Variants in UIMC1 observed in about 807,000 individuals in gnomAD.
UIMC1 encodes ubiquitin interaction motif containing 1.
In UIMC1, 42 loss-of-function variants were observed where a neutral mutation model predicts 84.9. The observed-to-expected ratio is 0.49, with a 90% CI of 0.39 to 0.64. The LOEUF (loss-of-function observed/expected upper bound fraction) is 0.64. Among genes scored for constraint, UIMC1 ranks in the 30% least tolerant of loss-of-function variants. UIMC1 has a pLI of 0.00. For missense variants in UIMC1, 825 were observed against 847.6 expected, an observed-to-expected ratio of 0.97 and a Z score of 0.33; for synonymous variants, 281 against 293.0, an observed-to-expected ratio of 0.96 and a Z score of 0.42.
chr5:176,925,525 T>C (rs1177304612), intron 10 of UIMC1, among the ~76,000 whole-genome samples: 1 of 151,952 alleles, frequency 6.6e-6, no homozygotes, highest in Non-Finnish European at 1.5e-5. Context: ...TACAAGAATG[T>C]TCACAGCAGC....
At chr5:176,967,303 G>A (rs1253749579) in intron 6 of UIMC1, among the ~76,000 whole-genome samples, 4 of 150,156 alleles carry the variant, frequency 2.7e-5, no homozygotes, top group Admixed American at 6.6e-5. Flanking sequence ...AAAAAAAAAA[G>A]ATGAAGAAAT....
intron 10 of UIMC1, among the ~76,000 whole-genome samples, chr5:176,935,152 A>G (rs1447915727): frequency 6.6e-6 from 1 of 151,830 alleles, no homozygotes; most frequent in Non-Finnish European, 1.5e-5. Flanking sequence ...GTAGACCCAC[A>G]TAATTCATAC....
At position 176,911,404 on chromosome 5, in the gene UIMC1, AAT is replaced by A. The variant is rs536002466; in HGVS notation, c.1598-17_1598-16del. The A allele has an allele frequency of 3.4e-4, 513 of 1,515,002 alleles. No individual in the cohort carries two copies. The highest frequency in any genetic ancestry group is 6.8e-4 in the South Asian group (53 of 77,394). 93.8% of individuals were successfully genotyped at this position (1,515,002 alleles called of 1,614,324 possible). A position where few individuals can be genotyped will look rare whatever the true frequency, so the allele number is the denominator to read the frequency against. On this transcript the variant is annotated splice_polypyrimidine_tract_variant and intron_variant, in intron 10 of 14. Transcript: ENST00000511320. Reference sequence around the variant, plus strand: ...CCGAGTCAATACTTTTAATATAAAAAATATATATATATACACATAGTTAGCTG... The same window carrying A: ...CCGAGTCAATACTTTTAATATAAAAAATATATATATACACATAGTTAGCTG...
chr5:176,984,148 G>A (rs1162635962), intron 1 of UIMC1, among the ~76,000 whole-genome samples: 2 of 113,960 alleles, frequency 1.8e-5, no homozygotes, highest in African/African-American at 3.5e-5. Flanking sequence ...CTGCCCGGCC[G>A]CCCTGTCTGG....
At chr5:176,949,585 G>A (rs181837043) in intron 9 of UIMC1, among the ~76,000 whole-genome samples, 1 of 152,308 alleles carries the variant, frequency 6.6e-6, no homozygotes, top group East Asian at 1.9e-4. Context: ...CAGTCACTCT[G>A]CAGCAGGGAG....
intron 13 of UIMC1, 132 bp downstream of exon 13, chr5:176,906,982 G>A (rs1294633415): frequency 4.9e-6 from 4 of 818,180 alleles, no homozygotes; most frequent in Non-Finnish European, 7.8e-6. Context: ...CCTAGATTGA[G>A]TCTCAAAGGC....
At chr5:176,918,014 C>T (rs918207447) in intron 10 of UIMC1, among the ~76,000 whole-genome samples, 1 of 152,198 alleles carries the variant, frequency 6.6e-6, no homozygotes, top group African/African-American at 2.4e-5. Flanking sequence ...ATTTCAAATG[C>T]TCAATAGCCA....
chr5:176,930,672 A>G (rs772457646), intron 10 of UIMC1, among the ~76,000 whole-genome samples: 1 of 152,260 alleles, frequency 6.6e-6, no homozygotes, highest in Non-Finnish European at 1.5e-5. Flanking sequence ...CTTGTTATCA[A>G]GCATTTCCTT....
At chr5:176,994,693 C>T (rs1327061958) in intron 1 of UIMC1, among the ~76,000 whole-genome samples, 1 of 152,026 alleles carries the variant, frequency 6.6e-6, no homozygotes, top group Non-Finnish European at 1.5e-5. Flanking sequence ...TTTATACACA[C>T]TTCTGAAAGG....
At chr5:176,918,723 A>G (rs1428532258) in intron 10 of UIMC1, among the ~76,000 whole-genome samples, 2 of 152,168 alleles carry the variant, frequency 1.3e-5, no homozygotes, top group Non-Finnish European at 2.9e-5. Flanking sequence ...TTACCCTGTC[A>G]TATCTTCGCA....
At chr5:177,001,919 C>T (rs1362585153) in intron 1 of UIMC1, 2 of 140,520 alleles carry the variant, frequency 1.4e-5, no homozygotes, top group African/African-American at 5.4e-5. Context: ...CACTGCACTC[C>T]AGCCTGGGCG....
intron 3 of UIMC1, 115 bp from the exon 4 acceptor site, chr5:176,970,981 A>G: frequency 1.5e-6 from 2 of 1,333,616 alleles, no homozygotes; most frequent in Non-Finnish European, 2.0e-6. Flanking sequence ...ACCACTTAGT[A>G]CAATTTTATA....
At chr5:176,926,107 G>A (rs777844226) in intron 10 of UIMC1, among the ~76,000 whole-genome samples, 1 of 151,978 alleles carries the variant, frequency 6.6e-6, no homozygotes, top group Non-Finnish European at 1.5e-5. Flanking sequence ...TAAAATAACG[G>A]AGGGAAAAAG....
chr5:176,995,683 A>G (rs2149528873), intron 1 of UIMC1, among the ~76,000 whole-genome samples: 1 of 151,930 alleles, frequency 6.6e-6, no homozygotes. Context: ...CTCTACTACA[A>G]ACACAAAAAA....
intron 10 of UIMC1, among the ~76,000 whole-genome samples, chr5:176,937,451 C>A (rs1030691282): frequency 1.3e-5 from 2 of 152,070 alleles, no homozygotes; most frequent in African/African-American, 4.8e-5. Flanking sequence ...CGAGATCGTG[C>A]CACTGCACTC....
chr5:176,928,343 G>A (rs1179380079), intron 10 of UIMC1, among the ~76,000 whole-genome samples: 5 of 152,060 alleles, frequency 3.3e-5, no homozygotes, highest in Non-Finnish European at 7.4e-5. Flanking sequence ...GCTAGACTTT[G>A]CTTTTAAGAG....
At chr5:177,020,716 C>A (rs1375509843) in intron 1 of UIMC1, among the ~76,000 whole-genome samples, 3 of 152,194 alleles carry the variant, frequency 2.0e-5, no homozygotes, top group African/African-American at 4.8e-5. Context: ...AGGCATGAGC[C>A]ACTGCGCCAG....
intron 1 of UIMC1, among the ~76,000 whole-genome samples, chr5:176,984,694 T>C (rs1203362196): frequency 6.6e-6 from 1 of 151,922 alleles, no homozygotes; most frequent in Non-Finnish European, 1.5e-5. Context: ...AGGTTGTTAC[T>C]GTGCCTGTGT....
chr5:176,925,295 T>C (rs140212814), intron 10 of UIMC1, among the ~76,000 whole-genome samples: 50 of 152,286 alleles, frequency 3.3e-4, no homozygotes, highest in African/African-American at 1.2e-3. Flanking sequence ...AATCATTACA[T>C]GACTACCAGA....
Sources: allele counts gnomAD v4.1 joint callset (sites outside exome capture counted in the v4.1 genomes callset), GRCh38; gene constraint gnomAD v4.1.1; transcripts MANE v1.5; gene names NCBI Gene and HGNC (gene_info 2026-07-23, HGNC 2026-07-21).